The following ATP8B4 variants were observed in gnomAD, a reference collection of about 807,000 sequenced individuals.
ATP8B4 encodes the protein ATPase phospholipid transporting 8B4 (putative), also known as probable phospholipid-transporting ATPase IM.
ATP8B4 carries 133 observed loss-of-function variants against 145.6 expected under a neutral mutation model. The ratio of observed to expected loss-of-function variants is 0.91; its 90% CI spans 0.79 to 1.05. The LOEUF (loss-of-function observed/expected upper bound fraction) is 1.05, where lower values mean the gene tolerates loss of function less well. Ranked by LOEUF, ATP8B4 falls within the 50% of genes least tolerant of loss-of-function variation. The pLI is 0.00. For missense variants in ATP8B4, 1,458 were observed against 1,425.2 expected (o/e 1.02, Z -0.37); for synonymous variants, 507 against 492.9 (o/e 1.03, Z -0.38).
At chr15:49,996,976 T>A (rs1402893125) in intron 8 of ATP8B4, among the ~76,000 whole-genome samples, 2 of 152,132 alleles carry the variant, frequency 1.3e-5, no homozygotes, top group South Asian at 2.1e-4. Context: ...CACATCTTTA[T>A]AACAACACAA....
intron 24 of ATP8B4, among the ~76,000 whole-genome samples, chr15:49,878,055 C>T (rs2034773413): frequency 6.6e-6 from 1 of 151,974 alleles, no homozygotes; most frequent in Non-Finnish European, 1.5e-5. Flanking sequence ...AGTTTAAGGG[C>T]CAAGGTTGAC....
intron 3 of ATP8B4, among the ~76,000 whole-genome samples, chr15:50,061,190 TA>T (rs33997597): frequency 1.5e-4 from 22 of 150,142 alleles, no homozygotes; most frequent in Admixed American, 2.7e-4. Flanking sequence ...GTATATTGGA[TA>T]AAAAAAAAAT....
intron 1 of ATP8B4, among the ~76,000 whole-genome samples, chr15:50,157,380 C>T (rs978594695): frequency 6.6e-6 from 1 of 152,210 alleles, no homozygotes; most frequent in African/African-American, 2.4e-5. Context: ...GCTCAAAGAG[C>T]TCAATGAAGT....
At chr15:49,879,954 G>C (rs912418084) in intron 23 of ATP8B4, 1 of 152,256 alleles carries the variant, frequency 6.6e-6, no homozygotes, top group Non-Finnish European at 1.5e-5. Flanking sequence ...AGCAAGATGG[G>C]CATAAATAGC....
chr15:49,888,721 A>T (rs943720714), intron 23 of ATP8B4, among the ~76,000 whole-genome samples: 1 of 152,232 alleles, frequency 6.6e-6, no homozygotes, highest in African/African-American at 2.4e-5. Flanking sequence ...ATAGATTGGG[A>T]TAAGGCATGT....
intron 2 of ATP8B4, among the ~76,000 whole-genome samples, chr15:50,098,663 T>C (rs538156519): frequency 2.8e-4 from 43 of 152,200 alleles, no homozygotes; most frequent in African/African-American, 9.9e-4. Context: ...AACTACTTTC[T>C]ATATGTAGAT....
intron 2 of ATP8B4, among the ~76,000 whole-genome samples, chr15:50,090,615 C>G (rs1222406784): frequency 6.6e-6 from 1 of 152,188 alleles, no homozygotes; most frequent in Non-Finnish European, 1.5e-5. Context: ...TTCACCATCT[C>G]TAGAACTGTG....
At chr15:50,121,070 G>T (rs2057265146), upstream of ATP8B4, among the ~76,000 whole-genome samples, 1 of 152,144 alleles carries the variant, frequency 6.6e-6, no homozygotes, top group African/African-American at 2.4e-5. Context: ...CAAGTGAAAA[G>T]ATCAAGTTGC....
At chr15:49,944,019 A>G (rs2042373498) in intron 14 of ATP8B4, among the ~76,000 whole-genome samples, 1 of 152,192 alleles carries the variant, frequency 6.6e-6, no homozygotes, top group Non-Finnish European at 1.5e-5. Flanking sequence ...CATAACTATA[A>G]GACATCTTAT....
intron 1 of ATP8B4, among the ~76,000 whole-genome samples, chr15:50,134,022 A>G (rs2044087032): frequency 6.6e-6 from 1 of 152,192 alleles, no homozygotes; most frequent in Non-Finnish European, 1.5e-5. Context: ...GTGATTGGAT[A>G]TGTTAATTAG....
At chr15:50,136,744 C>A (rs1366991685) in intron 1 of ATP8B4, among the ~76,000 whole-genome samples, 1 of 152,146 alleles carries the variant, frequency 6.6e-6, no homozygotes, top group African/African-American at 2.4e-5. Flanking sequence ...TGGAGTCAGA[C>A]TGGCCTTTGT....
At chr15:50,066,598 A>G (rs951359460) in intron 3 of ATP8B4, among the ~76,000 whole-genome samples, 2 of 152,172 alleles carry the variant, frequency 1.3e-5, no homozygotes, top group South Asian at 2.1e-4. Flanking sequence ...TCTCCCAAAG[A>G]AAATATTTAC....
At chr15:50,038,020 AT>A (rs1387425460) in intron 6 of ATP8B4, among the ~76,000 whole-genome samples, 3 of 152,166 alleles carry the variant, frequency 2.0e-5, no homozygotes, top group Non-Finnish European at 4.4e-5. Context: ...TATCCAAATG[AT>A]TCAAAATCAT....
chr15:50,145,832 G>A (rs1466265507), intron 1 of ATP8B4, among the ~76,000 whole-genome samples: 1 of 152,046 alleles, frequency 6.6e-6, no homozygotes, highest in African/African-American at 2.4e-5. Context: ...TACTTTGTCA[G>A]AAGATATATG....
chr15:49,872,430 T>C (rs1303288935), intron 25 of ATP8B4, among the ~76,000 whole-genome samples: 3 of 152,184 alleles, frequency 2.0e-5, no homozygotes, highest in African/African-American at 7.2e-5. Flanking sequence ...GACTTACTTT[T>C]AGGCACTAGA....
chr15:49,870,714 A>C (rs150879349), intron 25 of ATP8B4, among the ~76,000 whole-genome samples: 103 of 152,358 alleles, frequency 6.8e-4, no homozygotes, highest in African/African-American at 2.1e-3. Context: ...ATTGCCTAGC[A>C]TCCATGGTTA....
intron 1 of ATP8B4, among the ~76,000 whole-genome samples, chr15:50,134,533 A>C (rs1233674795): frequency 1.3e-5 from 2 of 152,200 alleles, no homozygotes; most frequent in Non-Finnish European, 2.9e-5. Flanking sequence ...TGCAAAGAAC[A>C]TCAAATACTG....
intron 8 of ATP8B4, among the ~76,000 whole-genome samples, chr15:50,000,289 T>C (rs1334288471): frequency 6.6e-6 from 1 of 152,172 alleles, no homozygotes; most frequent in Non-Finnish European, 1.5e-5. Flanking sequence ...TCCAGAGTGA[T>C]TGTAGCATGT....
chr15:50,072,926 CTCTCTCTCTCT>C (rs1567305736), intron 3 of ATP8B4, among the ~76,000 whole-genome samples: 26 of 9,564 alleles, frequency 2.7e-3, no homozygotes, highest in African/African-American at 9.3e-3. Flanking sequence ...CCCGGCCTCT[CTCTCTCTCTCT>C]CTCTCTCTCT....
Sources: allele counts gnomAD v4.1 joint callset (sites outside exome capture counted in the v4.1 genomes callset), GRCh38; gene constraint gnomAD v4.1.1; transcripts MANE v1.5; gene names NCBI Gene and HGNC (gene_info 2026-07-23, HGNC 2026-07-21).